The following ANKS1B variants were observed in gnomAD, a reference collection of about 807,000 sequenced individuals.
ANKS1B encodes the protein ankyrin repeat and sterile alpha motif domain-containing protein 1B.
ANKS1B carries 36 observed loss-of-function variants against 148.3 expected under a neutral mutation model. The observed-to-expected ratio is 0.24, with a 90% CI of 0.19 to 0.32. The LOEUF is 0.32. ANKS1B is among the 10% of genes least tolerant of loss of function. The probability of loss-of-function intolerance (pLI) is 1.00; values close to 1 mark genes in which losing one functional copy is unlikely to be tolerated. For synonymous variants in ANKS1B, 542 were observed against 560.8 expected, an observed-to-expected ratio of 0.97 and a Z score of 0.47; for missense variants, 1,157 against 1,542.6, an observed-to-expected ratio of 0.75 and a Z score of 4.19.
chr12:98,857,509 T>C (rs1375425813), intron 17 of ANKS1B, among the ~76,000 whole-genome samples: 1 of 151,964 alleles, frequency 6.6e-6, no homozygotes, highest in Non-Finnish European at 1.5e-5. Flanking sequence ...GGGACACATG[T>C]TTCTCTGAGT....
At chr12:99,601,079 G>A (rs1001500700) in intron 9 of ANKS1B, among the ~76,000 whole-genome samples, 6 of 152,120 alleles carry the variant, frequency 3.9e-5, no homozygotes, top group African/African-American at 1.4e-4. Flanking sequence ...CTCAGTAAAT[G>A]CTGTCTTGCA....
In ANKS1B at chr12:98,994,424, T is replaced by A. The variant is rs545590708; in HGVS notation, c.2778+58733A>T. On this transcript the variant is annotated intron_variant, in intron 17 of 26. Coordinates refer to ENST00000683438, the MANE Select transcript of ANKS1B (RefSeq NM_001352186.2). ...TGAGGTCAAGAGCTCAATACCAGCCTGGCCCAACATGGTGAAACCCCGTCT... is the reference window on the plus strand; with the variant it reads ...TGAGGTCAAGAGCTCAATACCAGCCAGGCCCAACATGGTGAAACCCCGTCT... Among the ~76,000 whole-genome samples the A allele has an allele frequency of 4.6e-5, 7 of 152,224 alleles. No homozygotes were observed. The East Asian group carries it at 1.4e-3, about 29-fold the overall frequency.
chr12:99,805,279 A>AAAAAAAAAAAAAAAAAAG (rs2067482474), intron 4 of ANKS1B, among the ~76,000 whole-genome samples: 2 of 147,646 alleles, frequency 1.4e-5, no homozygotes, highest in South Asian at 2.1e-4. Context: ...AAAAAAAAAA[A>AAAAAAAAAAAAAAAAAAG]AAAAAAAAAG....
chr12:99,079,893 T>C (rs370028054), intron 16 of ANKS1B: 1 of 152,208 alleles, frequency 6.6e-6, no homozygotes, highest in African/African-American at 2.4e-5. Context: ...GGGGTGACGT[T>C]TTGATGTCAC....
At chr12:99,946,160 T>C (rs2095055790) in intron 1 of ANKS1B, among the ~76,000 whole-genome samples, 1 of 151,866 alleles carries the variant, frequency 6.6e-6, no homozygotes, top group African/African-American at 2.4e-5. Flanking sequence ...CCAGAAAGAG[T>C]AGACATTCTT....
chr12:99,202,379 A>G (rs2082167575), intron 14 of ANKS1B, among the ~76,000 whole-genome samples: 1 of 152,212 alleles, frequency 6.6e-6, no homozygotes, highest in South Asian at 2.1e-4. Flanking sequence ...GTGGCTGTTC[A>G]GATGTTTACA....
rs149681344 is a variant in ANKS1B at position 99,300,745 on chromosome 12, C to T, written c.1757-53881G>A. On this transcript the variant is annotated intron_variant, in intron 12 of 26. Coordinates refer to ENST00000683438, the MANE Select transcript of ANKS1B (RefSeq NM_001352186.2). ...TTGCTTATTCTTTCTATGGTTCAGC[C>T]TTGATCTGGTTTGGTGCACAAATGT... Among the ~76,000 whole-genome samples the T allele has an allele frequency of 1.8e-4, 28 of 152,108 alleles. No homozygotes were observed. The East Asian group carries it at 5.2e-3, about 28-fold the overall frequency.
At chr12:99,467,520 G>A (rs1206552261) in intron 10 of ANKS1B, among the ~76,000 whole-genome samples, 3 of 152,182 alleles carry the variant, frequency 2.0e-5, no homozygotes, top group Non-Finnish European at 4.4e-5. Context: ...CAGATGACAT[G>A]ATTGTATATC....
chr12:99,183,659 T>TAAC (rs2079421491), intron 14 of ANKS1B, among the ~76,000 whole-genome samples: 2 of 151,886 alleles, frequency 1.3e-5, no homozygotes, highest in Admixed American at 6.6e-5. Flanking sequence ...ACAACAACAA[T>TAAC]AACAACAACA....
intron 9 of ANKS1B, among the ~76,000 whole-genome samples, chr12:99,602,153 T>C (rs886104689): frequency 1.3e-5 from 2 of 152,032 alleles, no homozygotes; most frequent in African/African-American, 2.4e-5. Flanking sequence ...TTATTCAGCA[T>C]GCTAAAGTGC....
intron 9 of ANKS1B, among the ~76,000 whole-genome samples, chr12:99,505,350 C>T (rs2096699684): frequency 6.6e-6 from 1 of 151,918 alleles, no homozygotes; most frequent in African/African-American, 2.4e-5. Context: ...TGAGCCATTG[C>T]TAATTGGGTT....
At chr12:99,144,426 G>A (rs1367710054) in intron 15 of ANKS1B, among the ~76,000 whole-genome samples, 2 of 152,060 alleles carry the variant, frequency 1.3e-5, no homozygotes, top group Non-Finnish European at 2.9e-5. Flanking sequence ...ATTCATCATT[G>A]ATGAAAGAGA....
At chr12:99,065,801 T>G (rs1308804281) in intron 16 of ANKS1B, among the ~76,000 whole-genome samples, 1 of 152,206 alleles carries the variant, frequency 6.6e-6, no homozygotes, top group Non-Finnish European at 1.5e-5. Flanking sequence ...TGCCAGTCCT[T>G]GTGGGGTTTA....
chr12:98,775,150 C>T (rs368245630), intron 24 of ANKS1B, among the ~76,000 whole-genome samples: 48 of 152,306 alleles, frequency 3.2e-4, no homozygotes, highest in African/African-American at 1.0e-3. Flanking sequence ...GAGGCACTGT[C>T]ACAGGAAATA....
chr12:99,717,556 T>C (rs1407442553), intron 8 of ANKS1B, among the ~76,000 whole-genome samples: 2 of 152,046 alleles, frequency 1.3e-5, no homozygotes, highest in Admixed American at 6.6e-5. Flanking sequence ...CACTGAAAAT[T>C]GGACTGTTCA....
chr12:99,194,695 A>C lies in ANKS1B; in HGVS notation c.2420-40300T>G, dbSNP rs114819813. Among the ~76,000 whole-genome samples, 1,209 of 152,316 alleles carry C rather than the reference A, an allele frequency of 7.9e-3. 20 individuals are homozygous for C. Among genetic ancestry groups the C allele is most frequent in the African/African-American group, 0.028 (1,161 of 41,580 alleles). On this transcript the variant is annotated intron_variant, in intron 14 of 26. Transcript: ENST00000683438. ...CATTTGGACATCAAGTGGGTCTTGG[A>C]TAATATTAAGCAATTATTGTTTGAT...
intron 12 of ANKS1B, among the ~76,000 whole-genome samples, chr12:99,250,943 G>A (rs2074505990): frequency 6.6e-6 from 1 of 152,148 alleles, no homozygotes. Context: ...AGGCTGAGTA[G>A]TCCAAGATCA....
chr12:99,873,491 A>C (rs2091756338), intron 1 of ANKS1B, among the ~76,000 whole-genome samples: 1 of 152,170 alleles, frequency 6.6e-6, no homozygotes, highest in African/African-American at 2.4e-5. Flanking sequence ...TACTGCTTAA[A>C]GACTCATTCC....
At chr12:99,757,412 T>C (rs76689530) in intron 8 of ANKS1B, among the ~76,000 whole-genome samples, 1,743 of 151,674 alleles carry the variant, frequency 0.011, 29 homozygotes, top group African/African-American at 0.04. Flanking sequence ...CTCACCCAAA[T>C]GGCTATTAAA....
Sources: gnomAD v4.1 joint callset for allele counts (sites outside exome capture counted in the v4.1 genomes callset) on GRCh38, gnomAD v4.1.1 for gene constraint, MANE v1.5 for transcripts, NCBI Gene and HGNC (gene_info 2026-07-23, HGNC 2026-07-21) for gene names.